Variants in ZNF438 observed in about 807,000 individuals in gnomAD.
The protein encoded by ZNF438 is zinc finger protein 438.
In ZNF438, 25 loss-of-function variants were observed where a neutral mutation model predicts 38.0. The observed-to-expected ratio is 0.66, with a 90% CI of 0.48 to 0.92. The LOEUF is 0.92. ZNF438 is among the 40% of genes least tolerant of loss of function. The pLI, the probability that ZNF438 is intolerant of heterozygous loss-of-function variation, is 0.00. For synonymous variants in ZNF438, 372 were observed against 364.1 expected (o/e 1.02, Z -0.25); for missense variants, 1,007 against 999.6 (o/e 1.01, Z -0.10).
chr10:30,930,260 C>T (rs944082705), intron 2 of ZNF438, among the ~76,000 whole-genome samples: 7 of 152,028 alleles, frequency 4.6e-5, no homozygotes, highest in Non-Finnish European at 7.4e-5. Context: ...TCAAGCACGA[C>T]GTGGGTGGGC....
Position 30,857,751 on chromosome 10 carries a change from C to T in ZNF438, c.38-7384G>A, listed in dbSNP as rs1211640043. 4 of 1,461,940 alleles carry T rather than the reference C, an allele frequency of 2.7e-6. No individual in the cohort carries two copies. The African/African-American group carries it at 4.2e-5, about 15-fold the overall frequency. The allele number at this position is 1,461,940 out of a possible 1,614,324, so 90.6% of individuals were successfully genotyped here. A position where few individuals can be genotyped will look rare whatever the true frequency, so the allele number is the denominator to read the frequency against. On this transcript the variant is annotated intron_variant, in intron 4 of 5. Transcript: ENST00000413025. ...AGAATGTGCAACGTGTGTCCTCCTC[C>T]TCCTCCATTGCCATCAAAGGATTGG...
intron 4 of ZNF438, among the ~76,000 whole-genome samples, chr10:30,865,932 A>G (rs529937750): frequency 2.0e-5 from 3 of 152,328 alleles, no homozygotes; most frequent in African/African-American, 7.2e-5. Flanking sequence ...AGGGTCCCGA[A>G]TACTCTTTTC....
chr10:30,876,514 A>G (rs2038443991), intron 4 of ZNF438, among the ~76,000 whole-genome samples: 3 of 152,212 alleles, frequency 2.0e-5, no homozygotes, highest in African/African-American at 7.2e-5. Context: ...AAAGTAAAAT[A>G]GTTTTTCTAT....
intron 2 of ZNF438, among the ~76,000 whole-genome samples, chr10:30,911,626 T>C (rs1231108973): frequency 6.6e-6 from 1 of 152,098 alleles, no homozygotes; most frequent in Non-Finnish European, 1.5e-5. Context: ...CAGAAAACGA[T>C]GTTTGTGGTC....
At chr10:31,014,416 G>A (rs1433320216) in intron 1 of ZNF438, among the ~76,000 whole-genome samples, 1 of 152,226 alleles carries the variant, frequency 6.6e-6, no homozygotes, top group Non-Finnish European at 1.5e-5. Context: ...CAGCGGAAGA[G>A]CAAGAGTAAG....
intron 1 of ZNF438, among the ~76,000 whole-genome samples, chr10:30,944,265 C>G (rs1263330991): frequency 1.3e-5 from 2 of 152,152 alleles, no homozygotes; most frequent in East Asian, 3.9e-4. Context: ...GTAAACACTA[C>G]AGGGCAAGTT....
At chr10:31,007,064 C>T (rs920804164) in intron 1 of ZNF438, among the ~76,000 whole-genome samples, 3 of 151,996 alleles carry the variant, frequency 2.0e-5, no homozygotes, top group Non-Finnish European at 4.4e-5. Flanking sequence ...ATTTGCCCAG[C>T]CACTGCTGTC....
At chr10:30,876,793 T>C (rs2038493375) in intron 4 of ZNF438, among the ~76,000 whole-genome samples, 1 of 152,196 alleles carries the variant, frequency 6.6e-6, no homozygotes, top group Non-Finnish European at 1.5e-5. Flanking sequence ...CGCTATAGCC[T>C]ATAAAGGAGA....
rs576051479 is a variant in ZNF438, at chr10:30,872,573, A to G, written c.37+4425T>C. 9.3e-5 allele frequency among the ~76,000 whole-genome samples: 14 copies of G among 150,470 alleles called. 1 individual carries two copies. In the South Asian group the frequency reaches 3.0e-3, roughly 32 times the overall value. ...AGACCAACCTGGCTAACATGGTGAA[A>G]CCCCGTCTTGACTAAAAATACAAAA... is the stretch of plus-strand genomic sequence containing the variant. On this transcript the variant is annotated intron_variant, in intron 4 of 5. Coordinates refer to ENST00000413025, the Ensembl canonical transcript of ZNF438.
intron 2 of ZNF438, among the ~76,000 whole-genome samples, chr10:30,938,091 A>G (rs2046435482): frequency 6.6e-6 from 1 of 152,152 alleles, no homozygotes; most frequent in African/African-American, 2.4e-5. Context: ...TATCTTTAAA[A>G]ATATCTATGG....
At chr10:30,933,674 AAC>A (rs2045929618) in intron 2 of ZNF438, among the ~76,000 whole-genome samples, 1 of 152,198 alleles carries the variant, frequency 6.6e-6, no homozygotes, top group Admixed American at 6.5e-5. Flanking sequence ...GGCTACAGAA[AAC>A]ACATTTATAA....
intron 3 of ZNF438, among the ~76,000 whole-genome samples, chr10:30,884,924 T>G (rs1454427125): frequency 1.3e-5 from 2 of 152,240 alleles, no homozygotes; most frequent in Non-Finnish European, 2.9e-5. Context: ...GAAAATAATT[T>G]GCTCCATGCT....
Position 30,849,796 on chromosome 10 carries a change from C to CAA in ZNF438, c.607_608dup (p.Leu203PhefsTer2), listed in dbSNP as rs1349500674. ...CATGGGTGTTGGTCACTGGTGGTCT[C>CAA]AAGTCCCCATGGTCACTTCCATTGG... On this transcript the variant is annotated frameshift_variant, in exon 5 of 6. Transcript: ENST00000413025. LOFTEE classifies it high-confidence loss of function. 1 of 1,614,054 alleles carries CAA rather than the reference C, an allele frequency of 6.2e-7. No homozygotes were observed. Among genetic ancestry groups the CAA allele is most frequent in the Non-Finnish European group, 8.5e-7 (1 of 1,180,046 alleles).
At chr10:30,954,411 G>A (rs542668440) in intron 1 of ZNF438, among the ~76,000 whole-genome samples, 1 of 152,292 alleles carries the variant, frequency 6.6e-6, no homozygotes, top group South Asian at 2.1e-4. Flanking sequence ...TACTATTAAG[G>A]CTTGGGGCCT....
At chr10:30,846,666 TG>T (rs1488382067) in intron 5 of ZNF438, among the ~76,000 whole-genome samples, 3 of 152,178 alleles carry the variant, frequency 2.0e-5, no homozygotes, top group African/African-American at 7.2e-5. Context: ...AAGCTGCAGC[TG>T]TGACCCAGGC....
intron 4 of ZNF438, among the ~76,000 whole-genome samples, chr10:30,857,192 A>G (rs568791827): frequency 6.6e-6 from 1 of 152,146 alleles, no homozygotes; most frequent in Non-Finnish European, 1.5e-5. Flanking sequence ...ATATAATACC[A>G]TATCTAAATT....
intron 1 of ZNF438, among the ~76,000 whole-genome samples, chr10:30,976,021 A>G (rs1179986234): frequency 2.0e-5 from 3 of 152,130 alleles, no homozygotes; most frequent in Non-Finnish European, 4.4e-5. Context: ...CCTATTCTTA[A>G]CTGTTAATGA....
chr10:30,883,823 T>G (rs2039591201), intron 3 of ZNF438, among the ~76,000 whole-genome samples: 1 of 152,160 alleles, frequency 6.6e-6, no homozygotes, highest in Admixed American at 6.5e-5. Flanking sequence ...GAGGTTGAGG[T>G]TGCAGTGAGC....
intron 1 of ZNF438, among the ~76,000 whole-genome samples, chr10:30,984,845 C>T (rs998535407): frequency 2.0e-5 from 3 of 152,154 alleles, no homozygotes; most frequent in African/African-American, 7.2e-5. Context: ...TAAAAGGACA[C>T]ATGTCTAGTA....
Sources: gnomAD v4.1 joint callset for allele counts (sites outside exome capture counted in the v4.1 genomes callset) on GRCh38, gnomAD v4.1.1 for gene constraint, MANE v1.5 for transcripts, NCBI Gene and HGNC (gene_info 2026-07-23, HGNC 2026-07-21) for gene names.